Variants in SND1 observed in about 807,000 individuals in gnomAD.
SND1 encodes staphylococcal nuclease and tudor domain containing 1, also known as staphylococcal nuclease domain-containing protein 1.
SND1 carries 38 observed loss-of-function variants against 121.7 expected under a neutral mutation model. The observed-to-expected ratio is 0.31, with a 90% CI of 0.24 to 0.41. SND1 has a LOEUF of 0.41. SND1 is among the 10% of genes least tolerant of loss of function. The pLI is 1.00. For synonymous variants in SND1, 401 were observed against 447.4 expected, an observed-to-expected ratio of 0.90 and a Z score of 1.31; for missense variants, 868 against 1,184.6, an observed-to-expected ratio of 0.73 and a Z score of 3.92.
At chr7:127,937,192 C>G (rs541646835) in intron 15 of SND1, among the ~76,000 whole-genome samples, 1 of 152,112 alleles carries the variant, frequency 6.6e-6, no homozygotes. Context: ...AAGGTGGTAC[C>G]GCAGTAAGTT....
chr7:128,049,823 T>C (rs1312689149), intron 16 of SND1, among the ~76,000 whole-genome samples: 1 of 152,120 alleles, frequency 6.6e-6, no homozygotes, highest in Non-Finnish European at 1.5e-5. Flanking sequence ...GAGGATAGAA[T>C]GATGAGGTCC....
chr7:128,040,992 C>A (rs1792844845), intron 16 of SND1, among the ~76,000 whole-genome samples: 1 of 152,180 alleles, frequency 6.6e-6, no homozygotes, highest in Non-Finnish European at 1.5e-5. Context: ...AGTTCCTTGG[C>A]AAGTTCATTT....
chr7:127,701,148 T>A lies in SND1; in HGVS notation c.429-15T>A, dbSNP rs1796092837. On this transcript the variant is annotated splice_polypyrimidine_tract_variant and intron_variant, in intron 4 of 23. Transcript: ENST00000354725. ...TGAACTCACTAACCACTCTTGTTTA[T>A]TTTTTATGTCCCAGTCCTGAGCAGA... The A allele has an allele frequency of 1.2e-6, 2 of 1,612,568 alleles. No homozygotes were observed. The highest frequency in any genetic ancestry group is 3.4e-5 in the Admixed American group (2 of 59,698).
intron 12 of SND1, among the ~76,000 whole-genome samples, chr7:127,861,114 A>G (rs1159907868): frequency 6.6e-6 from 1 of 152,210 alleles, no homozygotes; most frequent in Non-Finnish European, 1.5e-5. Context: ...ACACCTTTCT[A>G]AAAGGGGCTT....
intron 16 of SND1, among the ~76,000 whole-genome samples, chr7:128,032,285 C>CCTTCCTCCTCT (rs1435099352): frequency 6.6e-6 from 1 of 151,190 alleles, no homozygotes. Context: ...TTTCCTCCTT[C>CCTTCCTCCTCT]CTTCCTCCTC....
rs578231334 is a variant in SND1, at chr7:127,778,287, C to G, written c.1153-29197C>G. On this transcript the variant is annotated intron_variant, in intron 10 of 23. Transcript: ENST00000354725. ...TCGGCTCACTGCAACCTCCACCTCC[C>G]GGGTTCAAGCAATTCCCTGGCCTCA... is the stretch of plus-strand genomic sequence containing the variant. Among the ~76,000 whole-genome samples the G allele has an allele frequency of 5.3e-5, 8 of 151,568 alleles. No individual in the cohort carries two copies. The East Asian group carries it at 1.6e-3, about 29-fold the overall frequency.
At chr7:127,687,824 T>A (rs1034297384) in intron 2 of SND1, among the ~76,000 whole-genome samples, 1 of 152,158 alleles carries the variant, frequency 6.6e-6, no homozygotes. Flanking sequence ...TAGCTGGAAC[T>A]ACAGGCATGT....
intron 13 of SND1, 188 bp from the exon 14 acceptor site, chr7:127,904,559 G>A (rs976024239): frequency 1.3e-5 from 6 of 446,552 alleles, no homozygotes; most frequent in Non-Finnish European, 2.5e-5. Context: ...TAAGAGAAGA[G>A]CAGCTTTATA....
chr7:127,972,342 A>T (rs1584706148), intron 15 of SND1, among the ~76,000 whole-genome samples: 1 of 151,884 alleles, frequency 6.6e-6, no homozygotes, highest in African/African-American at 2.4e-5. Flanking sequence ...GCTCACTGCA[A>T]CCTCTGCCTC....
chr7:127,915,985 T>C (rs1039533605), intron 14 of SND1, among the ~76,000 whole-genome samples: 2 of 148,408 alleles, frequency 1.3e-5, no homozygotes, highest in African/African-American at 2.5e-5. Flanking sequence ...GTAGAATAAT[T>C]AGAACAGCAT....
chr7:127,963,243 A>T (rs1166158112), intron 15 of SND1, among the ~76,000 whole-genome samples: 3 of 132,386 alleles, frequency 2.3e-5, no homozygotes, highest in African/African-American at 5.8e-5. Flanking sequence ...AGAGCGGCAT[A>T]TTTCTTTTCT....
At chr7:127,842,594 G>GTT (rs1798984865) in intron 11 of SND1, among the ~76,000 whole-genome samples, 4 of 152,092 alleles carry the variant, frequency 2.6e-5, no homozygotes, top group African/African-American at 9.7e-5. Flanking sequence ...TTAATTAGCT[G>GTT]TATCTTTTTG....
intron 1 of SND1, among the ~76,000 whole-genome samples, chr7:127,653,114 G>C (rs1795151183): frequency 6.6e-6 from 1 of 152,188 alleles, no homozygotes; most frequent in Non-Finnish European, 1.5e-5. Context: ...ATGGTGGTTT[G>C]GGTTGGAGCC....
intron 11 of SND1, among the ~76,000 whole-genome samples, chr7:127,829,102 G>A (rs1040488480): frequency 6.6e-6 from 1 of 152,164 alleles, no homozygotes; most frequent in Non-Finnish European, 1.5e-5. Context: ...AACTAAGATA[G>A]GAGAGTCCTT....
chr7:127,787,442 G>A (rs150937635), intron 10 of SND1, among the ~76,000 whole-genome samples: 1 of 152,244 alleles, frequency 6.6e-6, no homozygotes, highest in East Asian at 1.9e-4. Context: ...TCACTATGTT[G>A]CCCAGGCTGG....
chr7:127,887,978 TCA>T lies in SND1; in HGVS notation c.1424_1425del (p.His475LeufsTer3). ...CCGGCAGGATGATGACCAGAGATCA[TCA>T]CACTACGATGAACTGCTTGCTGCAG... ...RYRQDDDQRS[S>X]HYDELLAAEA... On this transcript the variant is annotated frameshift_variant, in exon 13 of 24. Coordinates refer to ENST00000354725, the MANE Select transcript of SND1 (RefSeq NM_014390.4). LOFTEE classifies it high-confidence loss of function. 1 of 1,612,216 alleles carries T rather than the reference TCA, an allele frequency of 6.2e-7. No individual in the cohort carries two copies. Among genetic ancestry groups the T allele is most frequent in the Non-Finnish European group, 8.5e-7 (1 of 1,178,860 alleles).
At chr7:127,678,801 A>G (rs1217398514) in intron 1 of SND1, among the ~76,000 whole-genome samples, 1 of 151,994 alleles carries the variant, frequency 6.6e-6, no homozygotes, top group Admixed American at 6.6e-5. Flanking sequence ...TCCCCAATTG[A>G]GTTTCTTTTT....
intron 16 of SND1, among the ~76,000 whole-genome samples, chr7:128,059,943 G>T (rs139866776): frequency 1.3e-5 from 2 of 152,298 alleles, no homozygotes; most frequent in Admixed American, 6.5e-5. Context: ...AAAATAGCCC[G>T]TTCAGAGGGC....
intron 10 of SND1, among the ~76,000 whole-genome samples, chr7:127,774,305 C>A (rs1412590980): frequency 1.3e-5 from 2 of 151,874 alleles, no homozygotes; most frequent in African/African-American, 4.8e-5. Flanking sequence ...AACTTTAAGA[C>A]AATAAAACTT....
Sources: allele counts gnomAD v4.1 joint callset (sites outside exome capture counted in the v4.1 genomes callset), GRCh38; gene constraint gnomAD v4.1.1; transcripts MANE v1.5; gene names NCBI Gene and HGNC (gene_info 2026-07-23, HGNC 2026-07-21).